Variants in SYNPR observed in about 807,000 individuals in gnomAD.
SYNPR encodes synaptoporin.
Under a neutral mutation model 32.9 loss-of-function variants are expected in SYNPR, and 23 were observed. The ratio of observed to expected loss-of-function variants is 0.70; its 90% CI spans 0.50 to 0.99. The LOEUF (loss-of-function observed/expected upper bound fraction) is 0.99, where lower values mean the gene tolerates loss of function less well. SYNPR is among the 50% of genes least tolerant of loss of function. The pLI, the probability that SYNPR is intolerant of heterozygous loss-of-function variation, is 0.00. For synonymous variants in SYNPR, 146 were observed against 135.9 expected (o/e 1.07, Z -0.52); for missense variants, 318 against 349.3 (o/e 0.91, Z 0.71).
At chr3:63,345,696 G>C (rs560747732) in intron 2 of SYNPR, among the ~76,000 whole-genome samples, 2 of 152,310 alleles carry the variant, frequency 1.3e-5, no homozygotes, top group East Asian at 3.9e-4. Flanking sequence ...TGAGGAGAGG[G>C]GAAGGGAGGG....
intron 2 of SYNPR, among the ~76,000 whole-genome samples, chr3:63,312,156 A>G (rs2086972777): frequency 6.6e-6 from 1 of 152,080 alleles, no homozygotes; most frequent in Admixed American, 6.6e-5. Context: ...AATAATGTAT[A>G]CATTTAAAAA....
chr3:63,500,489 C>T (rs1192382232), intron 3 of SYNPR, among the ~76,000 whole-genome samples: 1 of 152,086 alleles, frequency 6.6e-6, no homozygotes, highest in African/African-American at 2.4e-5. Context: ...AAGGTGATTA[C>T]AGATCAAACA....
chr3:63,334,402 G>C (rs138795565), intron 2 of SYNPR, among the ~76,000 whole-genome samples: 1 of 152,218 alleles, frequency 6.6e-6, no homozygotes, highest in Non-Finnish European at 1.5e-5. Flanking sequence ...GCTTGCCTTG[G>C]GATTTAGTCA....
intron 2 of SYNPR, among the ~76,000 whole-genome samples, chr3:63,283,473 C>G (rs1306365925): frequency 6.6e-6 from 1 of 152,112 alleles, no homozygotes; most frequent in South Asian, 2.1e-4. Flanking sequence ...CTCTGGTGGT[C>G]TTTTACATTT....
intron 2 of SYNPR, among the ~76,000 whole-genome samples, chr3:63,256,375 C>A (rs961586328): frequency 6.6e-6 from 1 of 152,140 alleles, no homozygotes; most frequent in Non-Finnish European, 1.5e-5. Context: ...ACAAAACTTC[C>A]AGAGGAAGGA....
At chr3:63,319,364 T>C (rs1191244880) in intron 2 of SYNPR, among the ~76,000 whole-genome samples, 1 of 152,112 alleles carries the variant, frequency 6.6e-6, no homozygotes, top group Non-Finnish European at 1.5e-5. Flanking sequence ...ATGTGATGTC[T>C]CTAGCTTTGT....
the SYNPR span, among the ~76,000 whole-genome samples, chr3:63,222,690 T>C: frequency 6.6e-6 from 1 of 152,162 alleles, no homozygotes; most frequent in Non-Finnish European, 1.5e-5. Flanking sequence ...CTAATTTATG[T>C]ATTTTTAGTA....
chr3:63,354,639 G>A (rs1160982274), intron 2 of SYNPR, among the ~76,000 whole-genome samples: 1 of 152,216 alleles, frequency 6.6e-6, no homozygotes, highest in Admixed American at 6.5e-5. Flanking sequence ...GCATGTAACA[G>A]AGGGTTATTT....
intron 2 of SYNPR, among the ~76,000 whole-genome samples, chr3:63,455,665 A>G (rs1207641796): frequency 1.3e-5 from 2 of 151,964 alleles, no homozygotes; most frequent in African/African-American, 4.8e-5. Flanking sequence ...AACTTAGTTG[A>G]CAAGTATGGT....
chr3:63,472,717 C>T (rs987499579), intron 2 of SYNPR, among the ~76,000 whole-genome samples: 2 of 152,114 alleles, frequency 1.3e-5, no homozygotes, highest in African/African-American at 4.8e-5. Context: ...TATCTTCCAC[C>T]TTCCGCCAAT....
the SYNPR span, among the ~76,000 whole-genome samples, chr3:63,202,244 T>C: frequency 6.6e-6 from 1 of 152,208 alleles, no homozygotes. Flanking sequence ...TATAACATTC[T>C]CTGTATTGGT....
intron 2 of SYNPR, among the ~76,000 whole-genome samples, chr3:63,302,832 G>A (rs969553349): frequency 6.6e-6 from 1 of 151,900 alleles, no homozygotes; most frequent in African/African-American, 2.4e-5. Context: ...AAGACCTAGT[G>A]TTCAATAAAT....
At chr3:63,401,073 C>A (rs1461065515) in intron 2 of SYNPR, among the ~76,000 whole-genome samples, 4 of 151,882 alleles carry the variant, frequency 2.6e-5, no homozygotes, top group Non-Finnish European at 5.9e-5. Context: ...CAAGAGGACC[C>A]AGCTCGAGAG....
intron 4 of SYNPR, among the ~76,000 whole-genome samples, chr3:63,602,421 C>T (rs1029150726): frequency 2.0e-5 from 3 of 152,124 alleles, no homozygotes; most frequent in South Asian, 2.1e-4. Flanking sequence ...GAAATCTCTG[C>T]CAGCTCTTAT....
intron 2 of SYNPR, among the ~76,000 whole-genome samples, chr3:63,455,837 CGTTAA>C (rs1237883690): frequency 6.6e-6 from 1 of 151,036 alleles, no homozygotes; most frequent in African/African-American, 2.4e-5. Flanking sequence ...ATCCTGTTCC[CGTTAA>C]GTTTATTCCA....
intron 3 of SYNPR, among the ~76,000 whole-genome samples, chr3:63,518,067 G>T (rs1240460842): frequency 6.6e-6 from 1 of 152,124 alleles, no homozygotes; most frequent in East Asian, 1.9e-4. Context: ...GGGTGTGTCA[G>T]AATTTTGGGA....
chr3:63,529,129 T>C (rs1449400189), intron 3 of SYNPR, among the ~76,000 whole-genome samples: 1 of 152,132 alleles, frequency 6.6e-6, no homozygotes, highest in East Asian at 1.9e-4. Context: ...TACACACACA[T>C]AGAAGGAAGA....
intron 3 of SYNPR, among the ~76,000 whole-genome samples, chr3:63,504,527 C>T (rs1018122883): frequency 6.6e-6 from 1 of 152,046 alleles, no homozygotes; most frequent in African/African-American, 2.4e-5. Flanking sequence ...CAGTCATTGC[C>T]CCTTCGAGTG....
chr3:63,314,466 T>C (rs968453372), intron 2 of SYNPR, among the ~76,000 whole-genome samples: 6 of 152,070 alleles, frequency 3.9e-5, no homozygotes, highest in South Asian at 2.1e-4. Flanking sequence ...TCCCTGATCA[T>C]TAGTGATATT....
Sources: allele counts gnomAD v4.1 joint callset (sites outside exome capture counted in the v4.1 genomes callset), GRCh38; gene constraint gnomAD v4.1.1; transcripts MANE v1.5; gene names NCBI Gene and HGNC (gene_info 2026-07-23, HGNC 2026-07-21).